Variants in AGBL4 observed in about 807,000 individuals in gnomAD.
AGBL4 encodes AGBL carboxypeptidase 4.
Under a neutral mutation model 66.4 loss-of-function variants are expected in AGBL4, and 58 were observed. The observed-to-expected ratio is 0.87, with a 90% confidence interval of 0.71 to 1.09. AGBL4 has a LOEUF of 1.09. Ranked by LOEUF, AGBL4 falls within the 50% of genes least tolerant of loss-of-function variation. The probability of loss-of-function intolerance (pLI) is 0.00; values close to 1 mark genes in which losing one functional copy is unlikely to be tolerated. For missense variants in AGBL4, 579 were observed against 631.0 expected (o/e 0.92, Z 0.88); for synonymous variants, 234 against 222.9 (o/e 1.05, Z -0.44).
At chr1:50,014,414 C>G (rs1249313350) in intron 1 of AGBL4, among the ~76,000 whole-genome samples, 1 of 151,714 alleles carries the variant, frequency 6.6e-6, no homozygotes, top group Non-Finnish European at 1.5e-5. Flanking sequence ...AATTTAGGGG[C>G]CAGCATTTGC....
intron 3 of AGBL4, among the ~76,000 whole-genome samples, chr1:49,533,427 C>T (rs188401280): frequency 4.9e-4 from 74 of 152,206 alleles, no homozygotes; most frequent in Admixed American, 1.4e-3. Flanking sequence ...TCCAGGGGTC[C>T]TCAATCTGCT....
At chr1:48,737,942 G>A (rs1328478850) in intron 6 of AGBL4, among the ~76,000 whole-genome samples, 1 of 152,194 alleles carries the variant, frequency 6.6e-6, no homozygotes, top group Admixed American at 6.5e-5. Context: ...AAAGGTCCTT[G>A]TTTTCAGAAA....
intron 3 of AGBL4, among the ~76,000 whole-genome samples, chr1:49,260,896 G>A (rs367699735): frequency 6.7e-6 from 1 of 149,864 alleles, no homozygotes; most frequent in South Asian, 2.2e-4. Flanking sequence ...GAACATTGAT[G>A]CAAAAATCCT....
At chr1:49,568,257 A>G (rs912568356) in intron 3 of AGBL4, among the ~76,000 whole-genome samples, 1 of 152,210 alleles carries the variant, frequency 6.6e-6, no homozygotes, top group African/African-American at 2.4e-5. Context: ...GTCTTGGACC[A>G]AAAGCTCCTT....
At chr1:49,664,540 A>T (rs1646326640) in intron 3 of AGBL4, among the ~76,000 whole-genome samples, 1 of 152,110 alleles carries the variant, frequency 6.6e-6, no homozygotes, top group Non-Finnish European at 1.5e-5. Flanking sequence ...GAACATAGCT[A>T]ATCTATTATT....
rs571697221 is a variant in AGBL4 at position 48,918,382 on chromosome 1, A to T, written c.595-51152T>A. ...TGTCAGTGACCTTTCTGCTTTGTGG[A>T]CCAAGTGTCACAGATGACGGAAACA... On this transcript the variant is annotated intron_variant, in intron 5 of 13. Coordinates refer to ENST00000371839, the MANE Select transcript of AGBL4 (RefSeq NM_032785.4). 9.8e-5 allele frequency among the ~76,000 whole-genome samples: 15 copies of T among 152,296 alleles called. No homozygotes were observed. The South Asian group carries it at 3.1e-3, about 32-fold the overall frequency.
intron 1 of AGBL4, among the ~76,000 whole-genome samples, chr1:49,857,788 C>T (rs574980727): frequency 6.6e-6 from 1 of 151,948 alleles, no homozygotes; most frequent in East Asian, 1.9e-4. Context: ...AGAAACACTT[C>T]AGTAGATTGG....
chr1:49,671,197 G>C (rs116746907), intron 3 of AGBL4, among the ~76,000 whole-genome samples: 3,507 of 152,104 alleles, frequency 0.023, 144 homozygotes, highest in African/African-American at 0.08. Context: ...ATGACCATCT[G>C]ATGTTTGACA....
chr1:48,929,522 TC>T lies in AGBL4; in HGVS notation c.595-62293del, dbSNP rs1472737013. Among the ~76,000 whole-genome samples, 39 of 152,298 alleles carry T rather than the reference TC, an allele frequency of 2.6e-4. 1 individual carries two copies. Among genetic ancestry groups the T allele is most frequent in the African/African-American group, 8.9e-4 (37 of 41,562 alleles). ...TGAATCTGGAAACCACATCAGATTT[TC>T]CTATTATTTCTCTGATAAAACTTTT... On this transcript the variant is annotated intron_variant, in intron 5 of 13. Transcript: ENST00000371839.
At chr1:49,532,205 T>G (rs1198507566) in intron 3 of AGBL4, among the ~76,000 whole-genome samples, 1 of 152,166 alleles carries the variant, frequency 6.6e-6, no homozygotes, top group Non-Finnish European at 1.5e-5. Flanking sequence ...GGCAGGATCA[T>G]GTCTGCTTTG....
intron 3 of AGBL4, among the ~76,000 whole-genome samples, chr1:49,518,683 T>C (rs1453884139): frequency 6.6e-6 from 1 of 152,096 alleles, no homozygotes; most frequent in African/African-American, 2.4e-5. Context: ...ATATAATGAA[T>C]GCAAAAGCAC....
intron 3 of AGBL4, among the ~76,000 whole-genome samples, chr1:49,473,887 T>C (rs1164830125): frequency 5.3e-5 from 8 of 152,104 alleles, no homozygotes; most frequent in Non-Finnish European, 4.4e-5. Context: ...CTGAATAGGG[T>C]ATCCTTTCCC....
chr1:49,823,670 A>T (rs901241100), intron 2 of AGBL4, among the ~76,000 whole-genome samples: 22 of 152,106 alleles, frequency 1.4e-4, no homozygotes, highest in African/African-American at 5.1e-4. Context: ...ATCCAGAAAC[A>T]TGGTAAAGCA....
intron 1 of AGBL4, among the ~76,000 whole-genome samples, chr1:49,939,145 C>A (rs528485711): frequency 5.1e-4 from 77 of 151,336 alleles, no homozygotes; most frequent in Non-Finnish European, 6.5e-4. Flanking sequence ...CAACTTACAA[C>A]GGACGTGAAG....
At chr1:49,369,614 G>T (rs1644302094) in intron 3 of AGBL4, among the ~76,000 whole-genome samples, 1 of 152,068 alleles carries the variant, frequency 6.6e-6, no homozygotes, top group Non-Finnish European at 1.5e-5. Flanking sequence ...AGATAAATTT[G>T]GGAGTTTAGG....
intron 3 of AGBL4, among the ~76,000 whole-genome samples, chr1:49,329,670 G>A (rs1202201518): frequency 4.0e-5 from 6 of 148,202 alleles, no homozygotes; most frequent in African/African-American, 1.0e-4. Context: ...CCCGCCCCCC[G>A]CCAAAAAAAA....
chr1:48,528,091 T>TTGTATAA (rs1643889133), downstream of AGBL4, among the ~76,000 whole-genome samples: 1 of 152,140 alleles, frequency 6.6e-6, no homozygotes, highest in Non-Finnish European at 1.5e-5. Flanking sequence ...ATAGGCATTA[T>TTGTATAA]TGTCCCATTT....
At chr1:48,847,044 T>C (rs1646933012) in intron 6 of AGBL4, among the ~76,000 whole-genome samples, 1 of 152,214 alleles carries the variant, frequency 6.6e-6, no homozygotes, top group African/African-American at 2.4e-5. Context: ...CTCATGCCTG[T>C]AATCCCAGCA....
chr1:48,686,489 G>A (rs140689715), intron 6 of AGBL4, among the ~76,000 whole-genome samples: 32 of 152,314 alleles, frequency 2.1e-4, no homozygotes, highest in Admixed American at 7.2e-4. Context: ...AGCACACAGC[G>A]CAATGCTTTG....
Sources: allele counts gnomAD v4.1 joint callset (sites outside exome capture counted in the v4.1 genomes callset), GRCh38; gene constraint gnomAD v4.1.1; transcripts MANE v1.5; gene names NCBI Gene and HGNC (gene_info 2026-07-23, HGNC 2026-07-21).